PCDHGA3: variants seen among roughly 807,000 people sequenced by gnomAD.
PCDHGA3 encodes the protein protocadherin gamma subfamily A, 3, also known as protocadherin gamma-A3.
In PCDHGA3, 40 loss-of-function variants were observed where a neutral mutation model predicts 58.5. The observed-to-expected ratio is 0.68, with a 90% CI of 0.53 to 0.89. The LOEUF (loss-of-function observed/expected upper bound fraction) is 0.89. Ranked by LOEUF, PCDHGA3 falls within the 40% of genes least tolerant of loss-of-function variation. PCDHGA3 has a pLI of 0.00. For synonymous variants in PCDHGA3, 530 were observed against 525.7 expected (o/e 1.01, Z -0.11); for missense variants, 1,223 against 1,195.9 (o/e 1.02, Z -0.33).
chr5:141,345,092 A>T lies in PCDHGA3; in HGVS notation c.1059A>T (p.Thr353=). 3 of 1,613,964 alleles carry T rather than the reference A, an allele frequency of 1.9e-6. No individual in the cohort carries two copies. Among genetic ancestry groups the T allele is most frequent in the Non-Finnish European group, 2.5e-6 (3 of 1,179,876 alleles). Residue 353 remains threonine (T), a synonymous_variant, in exon 1 of 4, where the codon ACA becomes ACT. Coordinates refer to ENST00000253812, the MANE Select transcript of PCDHGA3 (RefSeq NM_018916.4). ...NAPEITITSL[T]SSVPEEGTVG... ...CAGAAATTACAATCACGTCTCTCAC[A>T]AGCTCAGTCCCAGAAGAGGGCACCG...
At position 141,476,396 on chromosome 5, in the gene PCDHGA3, C is replaced by A; in HGVS notation, c.2425-18411C>A. The A allele has an allele frequency of 6.2e-7, 1 of 1,614,032 alleles. No homozygotes were observed. Among genetic ancestry groups the A allele is most frequent in the Non-Finnish European group, 8.5e-7 (1 of 1,180,020 alleles). Reference sequence around the variant, plus strand: ...GATGTTTGTGAACGACCGTCTGGATCGAGAGGAGCTGTGTGGGACACTGCC... The same window carrying A: ...GATGTTTGTGAACGACCGTCTGGATAGAGAGGAGCTGTGTGGGACACTGCC... On this transcript the variant is annotated intron_variant, in intron 1 of 3. Transcript: ENST00000253812. The surrounding 1 kb of genome is among the most constrained non-coding windows in gnomAD (Gnocchi z 7.6).
chr5:141,480,414 CA>C (rs10712552), intron 1 of PCDHGA3, among the ~76,000 whole-genome samples: 43,347 of 147,074 alleles, frequency 0.29, 6,620 homozygotes, highest in African/African-American at 0.4. Flanking sequence ...GACCCTGTCT[CA>C]AAAAAAAAAA....
At position 141,400,119 on chromosome 5, in the gene PCDHGA3, G is replaced by A. The variant is rs543287685; in HGVS notation, c.2424+53662G>A. ...TGCACTTGGTCTTTGCTGACAGCTTGCAGGAGGTGCTGCCGGATATCACTG... is the reference window on the plus strand; with the variant it reads ...TGCACTTGGTCTTTGCTGACAGCTTACAGGAGGTGCTGCCGGATATCACTG... On this transcript the variant is annotated intron_variant, in intron 1 of 3. Transcript: ENST00000253812. 3 of 1,614,076 alleles carry A rather than the reference G, an allele frequency of 1.9e-6. No individual in the cohort carries two copies. The Admixed American group carries it at 5.0e-5, about 27-fold the overall frequency.
chr5:141,414,078 T>C lies in PCDHGA3; in HGVS notation c.2424+67621T>C, dbSNP rs777190406. 3.1e-6 allele frequency: 5 copies of C among 1,603,326 alleles called. No individual in the cohort carries two copies. In the South Asian group the frequency reaches 4.5e-5, roughly 14 times the overall value. ...TGTTGAAGTTCCAACTAAACAAATA[T>C]ACTGGAGAAATAAAAATATCAGAAA... On this transcript the variant is annotated intron_variant, in intron 1 of 3. Transcript: ENST00000253812.
At chr5:141,410,063 C>CTGCGCACTGGGGAGG (rs2095353294) in intron 1 of PCDHGA3, 2 of 1,612,972 alleles carry the variant, frequency 1.2e-6, no homozygotes, top group Non-Finnish European at 1.7e-6. Context: ...CAGCCTGGGG[C>CTGCGCACTGGGGAGG]TGCGCACTGG....
chr5:141,468,903 C>T (rs1265804352), intron 1 of PCDHGA3, among the ~76,000 whole-genome samples: 1 of 151,614 alleles, frequency 6.6e-6, no homozygotes, highest in Non-Finnish European at 1.5e-5. Context: ...CTAATATGAT[C>T]CAGACTAGAA....
At chr5:141,435,055 A>T (rs148331367) in intron 1 of PCDHGA3, among the ~76,000 whole-genome samples, 5 of 152,124 alleles carry the variant, frequency 3.3e-5, no homozygotes, top group Non-Finnish European at 7.4e-5. Flanking sequence ...TTGACCATGC[A>T]GCAGTTTTGT....
chr5:141,476,184 T>C lies in PCDHGA3; in HGVS notation c.2425-18623T>C, dbSNP rs1038598087. ...AGGGTAGTGGGAGTTTTGCTTCTGC[T>C]TGGTGCCTTGAACAAGGCTTCCACG... On this transcript the variant is annotated intron_variant, in intron 1 of 3. Coordinates refer to ENST00000253812, the MANE Select transcript of PCDHGA3 (RefSeq NM_018916.4). The surrounding 1 kb of genome is among the most constrained non-coding windows in gnomAD (Gnocchi z 7.6). 1 of 1,613,708 alleles carries C rather than the reference T, an allele frequency of 6.2e-7. No homozygotes were observed. Among genetic ancestry groups the C allele is most frequent in the Non-Finnish European group, 8.5e-7 (1 of 1,179,992 alleles).
intron 1 of PCDHGA3, among the ~76,000 whole-genome samples, chr5:141,466,351 A>G (rs897901821): frequency 6.6e-6 from 1 of 152,050 alleles, no homozygotes; most frequent in African/African-American, 2.4e-5. Context: ...TTTTGCAGCT[A>G]ATCTAGATGT....
chr5:141,490,344 AGTGGGGTTGTTTAAT>A lies in PCDHGA3; in HGVS notation c.2425-4459_2425-4445del. The A allele has an allele frequency of 6.2e-7, 1 of 1,614,178 alleles. No individual in the cohort carries two copies. The highest frequency in any genetic ancestry group is 8.5e-7 in the Non-Finnish European group (1 of 1,180,030). ...TAGAGAGCACACCAGTGGGCACAGT[AGTGGGGTTGTTTAAT>A]GTGCGAGACCGGGACTCAGGTAGAA... On this transcript the variant is annotated intron_variant, in intron 1 of 3. Coordinates refer to ENST00000253812, the MANE Select transcript of PCDHGA3 (RefSeq NM_018916.4). This position sits in a 1 kb window ranked among gnomAD's most constrained non-coding sequence, Gnocchi z 5.4.
At chr5:141,453,745 A>G (rs1208061874) in intron 1 of PCDHGA3, among the ~76,000 whole-genome samples, 1 of 152,264 alleles carries the variant, frequency 6.6e-6, no homozygotes, top group African/African-American at 2.4e-5. Context: ...CTTAAATAAC[A>G]TAAGTCTCCT....
chr5:141,431,227 C>A lies in PCDHGA3; in HGVS notation c.2425-63580C>A, dbSNP rs759752051. On this transcript the variant is annotated intron_variant, in intron 1 of 3. Transcript: ENST00000253812. This position sits in a 1 kb window ranked among gnomAD's most constrained non-coding sequence, Gnocchi z 4.8. Reference sequence around the variant, plus strand: ...CTGAGATGCGGTTCCCTCTACCCCACGCCTGGGATCCGGATATCGGGAAGA... The same window carrying A: ...CTGAGATGCGGTTCCCTCTACCCCAAGCCTGGGATCCGGATATCGGGAAGA... 6.2e-7 allele frequency: 1 copy of A among 1,614,180 alleles called. No homozygotes were observed. The highest frequency in any genetic ancestry group is 8.5e-7 in the Non-Finnish European group (1 of 1,180,042).
At chr5:141,428,097 C>T (rs2097109296) in intron 1 of PCDHGA3, 2 of 1,608,758 alleles carry the variant, frequency 1.2e-6, no homozygotes, top group African/African-American at 1.3e-5. Flanking sequence ...GCTGTCCTAC[C>T]ACGTGCTGCA....
At chr5:141,408,308 T>C in intron 1 of PCDHGA3, 1 of 1,613,744 alleles carries the variant, frequency 6.2e-7, no homozygotes, top group South Asian at 1.1e-5. Flanking sequence ...GATCCGCTAC[T>C]CGATTCCGGA....
intron 1 of PCDHGA3, chr5:141,492,023 C>T: frequency 1.8e-6 from 1 of 564,804 alleles, no homozygotes; most frequent in Non-Finnish European, 3.0e-6. Context: ...TCGGGGGTCC[C>T]GGGAGGAGGC....
rs539372561 is a variant in PCDHGA3, at chr5:141,379,222, GT to G, written c.2424+32770del. On this transcript the variant is annotated intron_variant, in intron 1 of 3. Coordinates refer to ENST00000253812, the MANE Select transcript of PCDHGA3 (RefSeq NM_018916.4). ...AAATAAGCTGCTAAGAGTAATATGT[GT>G]TTTTCTGAACCAATATTGTGGTATT... 26 of 152,080 alleles carry G rather than the reference GT, an allele frequency of 1.7e-4. 1 individual carries two copies. The highest frequency in any genetic ancestry group is 3.1e-4 in the Non-Finnish European group (21 of 67,992). The allele number at this position is 152,080 out of a possible 1,614,324, so 9.4% of individuals were successfully genotyped here. A position where few individuals can be genotyped will look rare whatever the true frequency, so the allele number is the denominator to read the frequency against.
chr5:141,497,885 A>T (rs1469477968), intron 2 of PCDHGA3, among the ~76,000 whole-genome samples: 1 of 152,166 alleles, frequency 6.6e-6, no homozygotes, highest in Non-Finnish European at 1.5e-5. Flanking sequence ...AAGCGTTAGG[A>T]TCTAGTCCAG....
In PCDHGA3 at chr5:141,512,874, C is replaced by G. The variant is rs2099884476; in HGVS notation, c.*1701C>G. The G allele has an allele frequency of 6.6e-6, 1 of 152,246 alleles. No homozygotes were observed. Among genetic ancestry groups the G allele is most frequent in the Non-Finnish European group, 1.5e-5 (1 of 68,062 alleles). 9.4% of individuals were successfully genotyped at this position (152,246 alleles called of 1,614,324 possible). ...CTTCTCTTCGCATAGTCACGTAGCT[C>G]CCACCCCACCCTCTTCCTGTGTCTC... On this transcript the variant is annotated 3_prime_UTR_variant, in exon 4 of 4. Transcript: ENST00000253812.
chr5:141,415,811 A>G (rs2095960996), intron 1 of PCDHGA3: 5 of 1,340,748 alleles, frequency 3.7e-6, no homozygotes, highest in South Asian at 1.7e-5. Flanking sequence ...ATCAAGGCCT[A>G]TATATCATAA....
Sources: gnomAD v4.1 joint callset for allele counts (sites outside exome capture counted in the v4.1 genomes callset) on GRCh38, gnomAD v4.1.1 for gene constraint, Gnocchi (gnomAD v3.1) non-coding constraint, MANE v1.5 for transcripts, NCBI Gene and HGNC (gene_info 2026-07-23, HGNC 2026-07-21) for gene names.